REPS1: variants seen among roughly 807,000 people sequenced by gnomAD.
The protein encoded by REPS1 is ralBP1-associated Eps domain-containing protein 1.
A neutral mutation model predicts 100.9 loss-of-function variants in REPS1; 39 were observed. The observed-to-expected ratio is 0.39, with a 90% CI of 0.30 to 0.50. The LOEUF (loss-of-function observed/expected upper bound fraction) is 0.50. REPS1 is among the 20% of genes least tolerant of loss of function. REPS1 has a pLI of 0.86. For missense variants in REPS1, 821 were observed against 968.5 expected (o/e 0.85, Z 2.02); for synonymous variants, 324 against 340.3 (o/e 0.95, Z 0.53).
At chr6:138,914,961 T>C (rs1372333096) in intron 14 of REPS1, 200 bp from the exon 15 acceptor site, 2 of 554,586 alleles carry the variant, frequency 3.6e-6, no homozygotes, top group Non-Finnish European at 3.1e-6. Flanking sequence ...GATCTCACTT[T>C]GCTTCTTACC....
At position 138,917,576 on chromosome 6, in the gene REPS1, C is replaced by T; in HGVS notation, c.1580G>A (p.Gly527Glu). The T allele has an allele frequency of 6.2e-7, 1 of 1,613,434 alleles. No homozygotes were observed. Among genetic ancestry groups the T allele is most frequent in the South Asian group, 1.1e-5 (1 of 91,064 alleles). ...TGACCTTTGACGAGTTACATTGCTC[C>T]CGATCTGTTCTGGGTCAGAAGTAAA... ...DSFTSDPEQI[G>E]SNVTRQRSHS... The change falls in exon 13 of 20, where the codon GGG (glycine) becomes GAG (glutamate). Residue 527 changes from glycine (G) to glutamate (E), a missense_variant. Physicochemically the swap from Gly to Glu is moderately conservative, Grantham distance 98 (BLOSUM62 -2). Transcript: ENST00000450536.
intron 1 of REPS1, among the ~76,000 whole-genome samples, chr6:138,952,824 TTTTG>T (rs1016983004): frequency 1.8e-4 from 26 of 147,656 alleles, no homozygotes; most frequent in Middle Eastern, 3.4e-3. Context: ...ACAGATAGTT[TTTTG>T]TTTTTGTTTT....
intron 7 of REPS1, 90 bp downstream of exon 7, chr6:138,943,419 GGTTA>G (rs1278687554): frequency 4.3e-6 from 3 of 700,970 alleles, no homozygotes; most frequent in Non-Finnish European, 7.4e-6. Context: ...TTCTTGAAGG[GGTTA>G]GTTGTTTATT....
chr6:138,979,197 A>AAC (rs767121176), intron 1 of REPS1, among the ~76,000 whole-genome samples: 1 of 121,968 alleles, frequency 8.2e-6, no homozygotes, highest in Non-Finnish European at 1.6e-5. Flanking sequence ...AAAAAAAAAA[A>AAC]CAAAAAAAAA....
At chr6:138,912,723 G>A in intron 16 of REPS1, 42 bp downstream of exon 16, 3 of 1,585,610 alleles carry the variant, frequency 1.9e-6, no homozygotes, top group Non-Finnish European at 2.6e-6. Flanking sequence ...GGTATGGGAA[G>A]TGACTGCCTG....
At chr6:138,920,412 A>G (rs1485534274) in intron 11 of REPS1, 96 bp from the exon 12 acceptor site, 1 of 531,428 alleles carries the variant, frequency 1.9e-6, no homozygotes, top group East Asian at 3.0e-5. Context: ...AAATATCCAA[A>G]GAAGTGGCAG....
chr6:138,912,891 A>G lies in REPS1; in HGVS notation c.1845T>C (p.Ser615=), dbSNP rs1331255226. The G allele has an allele frequency of 6.2e-7, 1 of 1,614,034 alleles. No homozygotes were observed. Among genetic ancestry groups the G allele is most frequent in the African/African-American group, 1.3e-5 (1 of 74,946 alleles). ...VDADGLITHT[S]TSPQQIPEQP... ...GCTCTGGTATCTGCTGAGGTGAGGT[A>G]CTAGTGTGAGTTATGAGGCCATCGG... is the stretch of plus-strand genomic sequence containing the variant. The change falls in exon 16 of 20, where the codon AGT becomes AGC. Residue 615 remains serine, a synonymous_variant. Transcript: ENST00000450536.
chr6:138,974,511 T>C (rs1330640403), intron 1 of REPS1, among the ~76,000 whole-genome samples: 7 of 152,210 alleles, frequency 4.6e-5, no homozygotes, highest in African/African-American at 1.7e-4. Context: ...ACCTCTTATA[T>C]TAAATGTCCA....
intron 1 of REPS1, among the ~76,000 whole-genome samples, chr6:138,979,281 G>A (rs899627139): frequency 6.7e-5 from 10 of 150,198 alleles, no homozygotes; most frequent in African/African-American, 2.5e-4. Context: ...GCTTTCTCAA[G>A]GACTTCTCAT....
At chr6:138,947,696 T>C (rs1782730935) in intron 2 of REPS1, 94 bp downstream of exon 2, 3 of 1,159,790 alleles carry the variant, frequency 2.6e-6, no homozygotes, top group Non-Finnish European at 3.6e-6. Context: ...CAAATGCCAC[T>C]ATAAGATCAG....
rs1337120500 is a variant in REPS1, at chr6:138,969,820, G to GT, written c.153+17709dup. ...GCTATATAATTAGTACTTGGCCCCT[G>GT]TAAGAATTAAATAAAGAAAGAGGTT... On this transcript the variant is annotated intron_variant, in intron 1 of 19. Coordinates refer to ENST00000450536, the MANE Select transcript of REPS1 (RefSeq NM_001286611.2). Among the ~76,000 whole-genome samples the GT allele has an allele frequency of 6.4e-5, 9 of 141,338 alleles. No homozygotes were observed. In the East Asian group the frequency reaches 2.0e-3, roughly 31 times the overall value. 92.7% of individuals were successfully genotyped at this position (141,338 alleles called of 152,430 possible).
chr6:138,911,686 A>G (rs1000824467), intron 16 of REPS1, among the ~76,000 whole-genome samples: 12 of 149,944 alleles, frequency 8.0e-5, no homozygotes, highest in Non-Finnish European at 4.4e-5. Flanking sequence ...TGGGGCGAGG[A>G]TGCAGGTAAT....
At position 138,926,489 on chromosome 6, in the gene REPS1, G is replaced by A; in HGVS notation, c.1258-8C>T. On this transcript the variant is annotated splice_polypyrimidine_tract_variant and splice_region_variant and intron_variant, in intron 9 of 19. Coordinates refer to ENST00000450536, the MANE Select transcript of REPS1 (RefSeq NM_001286611.2). ...ACTAAATGTCTCCCACTGCTGAACA[G>A]ACAGAGGAGAGACAAGTCAGCATGA... The A allele has an allele frequency of 6.3e-7, 1 of 1,595,414 alleles. No individual in the cohort carries two copies.
chr6:138,912,884 G>T lies in REPS1; in HGVS notation c.1852C>A (p.Pro618Thr). The T allele has an allele frequency of 1.2e-6, 2 of 1,614,122 alleles. No homozygotes were observed. The highest frequency in any genetic ancestry group is 1.7e-6 in the Non-Finnish European group (2 of 1,179,996). The change falls in exon 16 of 20, where the codon CCT (proline) becomes ACT (threonine). Residue 618 changes from proline to threonine, a missense_variant. Physicochemically the swap from Pro to Thr is conservative, Grantham distance 38. This residue lies in a region of REPS1 where 757 missense variants were observed against 866.4 expected (regional missense o/e 0.87). Coordinates refer to ENST00000450536, the MANE Select transcript of REPS1 (RefSeq NM_001286611.2). Reference sequence around the variant, plus strand: ...TTTGGTTGCTCTGGTATCTGCTGAGGTGAGGTACTAGTGTGAGTTATGAGG... The same window carrying T: ...TTTGGTTGCTCTGGTATCTGCTGAGTTGAGGTACTAGTGTGAGTTATGAGG... ...DGLITHTSTSPQQIPEQPNFA... is the reference protein window; with the variant it reads ...DGLITHTSTSTQQIPEQPNFA...
intron 10 of REPS1, 133 bp from the exon 11 acceptor site, chr6:138,921,257 A>C: frequency 3.4e-6 from 2 of 593,376 alleles, no homozygotes; most frequent in East Asian, 3.0e-5. Context: ...CATGAAAATA[A>C]GCTTTGTAAG....
intron 4 of REPS1, 26 bp downstream of exon 4, chr6:138,945,193 A>G (rs183199880): frequency 6.4e-7 from 1 of 1,573,802 alleles, no homozygotes; most frequent in African/African-American, 1.3e-5. Context: ...ACACAATGAC[A>G]CTCTAATCAA....
chr6:138,950,980 G>C (rs1240938880), intron 1 of REPS1: 1 of 152,166 alleles, frequency 6.6e-6, no homozygotes, highest in African/African-American at 2.4e-5. Flanking sequence ...ACGAAGTCAG[G>C]AGTTCGAGGC....
chr6:138,939,258 G>GA (rs749122727), intron 8 of REPS1, among the ~76,000 whole-genome samples: 1 of 150,950 alleles, frequency 6.6e-6, no homozygotes, highest in Non-Finnish European at 1.5e-5. Context: ...AATTTGGTCA[G>GA]AAAACCATAT....
chr6:138,961,337 C>T (rs901051617), intron 1 of REPS1, among the ~76,000 whole-genome samples: 11 of 152,070 alleles, frequency 7.2e-5, no homozygotes, highest in African/African-American at 2.7e-4. Flanking sequence ...CCCGGGTTCA[C>T]GTCATTCTCC....
Sources: allele counts gnomAD v4.1 joint callset (sites outside exome capture counted in the v4.1 genomes callset), GRCh38; gene constraint gnomAD v4.1.1; regional missense constraint gnomAD v4.1.1; transcripts MANE v1.5; gene names NCBI Gene and HGNC (gene_info 2026-07-23, HGNC 2026-07-21).